Variants in CERT1 observed in about 807,000 individuals in gnomAD.
CERT1 encodes the protein ceramide transporter 1, also known as ceramide transfer protein.
CERT1 carries 31 observed loss-of-function variants against 87.9 expected under a neutral mutation model. That is an observed-to-expected ratio of 0.35 (90% CI 0.27 to 0.48). CERT1 has a LOEUF of 0.48. Ranked by LOEUF, CERT1 falls within the 20% of genes least tolerant of loss-of-function variation. The pLI is 0.99. For synonymous variants in CERT1, 289 were observed against 250.9 expected, an observed-to-expected ratio of 1.15 and a Z score of -1.44; for missense variants, 487 against 758.0, an observed-to-expected ratio of 0.64 and a Z score of 4.20.
At chr5:75,392,310 G>T (rs550393523) in intron 11 of CERT1, among the ~76,000 whole-genome samples, 2 of 152,302 alleles carry the variant, frequency 1.3e-5, no homozygotes, top group African/African-American at 4.8e-5. Flanking sequence ...TCCTGTAACA[G>T]CTACACTGCA....
At chr5:75,408,484 TAGC>T (rs966132171) in intron 8 of CERT1, among the ~76,000 whole-genome samples, 5 of 152,062 alleles carry the variant, frequency 3.3e-5, no homozygotes, top group Admixed American at 2.0e-4. Context: ...CCGTGAGAAA[TAGC>T]AGCCCGAACC....
At chr5:75,485,336 A>G (rs1053270824) in intron 2 of CERT1, among the ~76,000 whole-genome samples, 1 of 149,100 alleles carries the variant, frequency 6.7e-6, no homozygotes, top group Non-Finnish European at 1.5e-5. Context: ...AAAAAAAAAA[A>G]AGAACAAAAA....
chr5:75,481,825 A>G (rs1459153249), intron 2 of CERT1, among the ~76,000 whole-genome samples: 2 of 152,144 alleles, frequency 1.3e-5, no homozygotes, highest in African/African-American at 4.8e-5. Flanking sequence ...GGACACTGAC[A>G]ATATTACTGT....
chr5:75,417,485 C>T (rs1474518269), intron 6 of CERT1, among the ~76,000 whole-genome samples: 1 of 152,114 alleles, frequency 6.6e-6, no homozygotes, highest in Non-Finnish European at 1.5e-5. Context: ...GACCAATGCA[C>T]TTAAACTCAA....
intron 7 of CERT1, among the ~76,000 whole-genome samples, chr5:75,413,151 G>A (rs1210286963): frequency 6.6e-6 from 1 of 151,890 alleles, no homozygotes; most frequent in Non-Finnish European, 1.5e-5. Flanking sequence ...ATTAGCCTAG[G>A]CCTACACAGG....
At chr5:75,500,884 A>T (rs1447488722) in intron 2 of CERT1, among the ~76,000 whole-genome samples, 2 of 152,166 alleles carry the variant, frequency 1.3e-5, no homozygotes, top group Non-Finnish European at 2.9e-5. Flanking sequence ...AAAATTTTTT[A>T]CATCTGACTA....
intron 2 of CERT1, among the ~76,000 whole-genome samples, chr5:75,493,390 A>G (rs537404689): frequency 6.6e-6 from 1 of 152,224 alleles, no homozygotes; most frequent in Non-Finnish European, 1.5e-5. Context: ...TGTTGAGACC[A>G]TATTTTAAAA....
At chr5:75,472,118 T>G (rs903398011) in intron 2 of CERT1, among the ~76,000 whole-genome samples, 1 of 151,978 alleles carries the variant, frequency 6.6e-6, no homozygotes, top group Admixed American at 6.6e-5. Context: ...CAGAAATAAA[T>G]CCATGCATTT....
intron 2 of CERT1, among the ~76,000 whole-genome samples, chr5:75,478,353 A>G (rs1766070835): frequency 6.6e-6 from 1 of 151,986 alleles, no homozygotes; most frequent in Admixed American, 6.6e-5. Flanking sequence ...AGAGGAAAAA[A>G]CACAACAAAA....
At chr5:75,432,075 G>A (rs1233960859) in intron 3 of CERT1, among the ~76,000 whole-genome samples, 1 of 132,860 alleles carries the variant, frequency 7.5e-6, no homozygotes, top group South Asian at 2.7e-4. Flanking sequence ...TTTTTGAGAT[G>A]AAGACTTGCT....
intron 8 of CERT1, among the ~76,000 whole-genome samples, chr5:75,408,905 C>T (rs1035376256): frequency 6.6e-6 from 1 of 151,908 alleles, no homozygotes. Flanking sequence ...CCCCTCTTCC[C>T]TCCACCCCTG....
At chr5:75,496,544 T>C (rs751858094) in intron 2 of CERT1, among the ~76,000 whole-genome samples, 1 of 152,230 alleles carries the variant, frequency 6.6e-6, no homozygotes, top group Non-Finnish European at 1.5e-5. Flanking sequence ...GCCTTATTTA[T>C]TGTATCTCAA....
chr5:75,487,899 T>G (rs1475641144), intron 2 of CERT1, among the ~76,000 whole-genome samples: 1 of 152,082 alleles, frequency 6.6e-6, no homozygotes, highest in Non-Finnish European at 1.5e-5. Context: ...TCCTGTCATT[T>G]CAAATAACAT....
chr5:75,417,731 T>C (rs986481045), intron 6 of CERT1, among the ~76,000 whole-genome samples: 1 of 152,208 alleles, frequency 6.6e-6, no homozygotes, highest in Non-Finnish European at 1.5e-5. Flanking sequence ...AATCAAAATG[T>C]AAAATTTCTG....
intron 15 of CERT1, among the ~76,000 whole-genome samples, 174 bp from the exon 16 acceptor site, chr5:75,381,375 G>T (rs1457925819): frequency 1.3e-5 from 2 of 151,898 alleles, no homozygotes; most frequent in Non-Finnish European, 1.5e-5. Context: ...TTTTTCTGGG[G>T]ACAAGGTCTT....
intron 2 of CERT1, among the ~76,000 whole-genome samples, chr5:75,487,711 A>C (rs1294995122): frequency 6.6e-6 from 1 of 152,200 alleles, no homozygotes; most frequent in Non-Finnish European, 1.5e-5. Context: ...GGGCAAGCAC[A>C]TATGAGAAAA....
chr5:75,411,073 C>T lies in CERT1; in HGVS notation c.868G>A (p.Ala290Thr). The change falls in exon 8 of 17, where the codon GCA (alanine) becomes ACA (threonine). Residue 290 changes from alanine to threonine, a missense_variant. Physicochemically the swap from Ala to Thr is moderately conservative, Grantham distance 58. This residue lies in a region of CERT1 where 21 missense variants were observed against 20.4 expected (regional missense o/e 1.03). Transcript: ENST00000643780. Reference sequence around the variant, plus strand: ...AGTTCTGTCATTGCATTTTTATATGCTTCCTCTGTTCTTCTTTTCTTCTCA... The same window carrying T: ...AGTTCTGTCATTGCATTTTTATATGTTTCCTCTGTTCTTCTTTTCTTCTCA... ...ETEKKRRTEE[A>T]YKNAMTELKK... is the part of the protein sequence containing the mutation. The T allele has an allele frequency of 3.1e-6, 5 of 1,591,214 alleles. No homozygotes were observed. The highest frequency in any genetic ancestry group is 4.3e-6 in the Non-Finnish European group (5 of 1,167,164).
chr5:75,374,707 A>G (rs1561215505), downstream of CERT1: 6 of 604,032 alleles, frequency 9.9e-6, no homozygotes, highest in Non-Finnish European at 1.6e-5. Flanking sequence ...AACTCACAAC[A>G]AAGTAGTCAG....
chr5:75,403,211 GCT>G (rs1762568987), intron 8 of CERT1, among the ~76,000 whole-genome samples, 153 bp from the exon 9 acceptor site: 1 of 152,086 alleles, frequency 6.6e-6, no homozygotes, highest in African/African-American at 2.4e-5. Context: ...TCATATGCAT[GCT>G]CTGTGTAAAA....
Sources: allele counts gnomAD v4.1 joint callset (sites outside exome capture counted in the v4.1 genomes callset), GRCh38; gene constraint gnomAD v4.1.1; regional missense constraint gnomAD v4.1.1; transcripts MANE v1.5; gene names NCBI Gene and HGNC (gene_info 2026-07-23, HGNC 2026-07-21).